The following GPR89B variants were observed in gnomAD, a reference collection of about 807,000 sequenced individuals.
The protein encoded by GPR89B is G protein-coupled receptor 89B.
In GPR89B, 25 loss-of-function variants were observed where a neutral mutation model predicts 52.4. The observed-to-expected ratio is 0.48, with a 90% CI of 0.35 to 0.67. GPR89B has a LOEUF of 0.67. Ranked by LOEUF, GPR89B falls within the 30% of genes least tolerant of loss-of-function variation. The pLI, the probability that GPR89B is intolerant of heterozygous loss-of-function variation, is 0.01. For synonymous variants in GPR89B, 52 were observed against 151.2 expected (o/e 0.34, Z 4.81); for missense variants, 146 against 450.2 (o/e 0.32, Z 6.11).
At chr1:147,981,419 G>A (rs1194774935) in intron 10 of GPR89B, among the ~76,000 whole-genome samples, 4 of 146,896 alleles carry the variant, frequency 2.7e-5, no homozygotes, top group East Asian at 2.0e-4. Context: ...GGGGAGGATC[G>A]CTTGAGCCTG....
the GPR89B span, among the ~76,000 whole-genome samples, chr1:148,002,622 G>A: frequency 6.6e-6 from 1 of 152,102 alleles, no homozygotes; most frequent in East Asian, 1.9e-4. Context: ...AAGCCCCCAA[G>A]ACATTATAGG....
intron 7 of GPR89B, among the ~76,000 whole-genome samples, chr1:147,964,555 C>T (rs1656893622): frequency 6.6e-6 from 1 of 151,716 alleles, no homozygotes; most frequent in Admixed American, 6.6e-5. Context: ...TTTTTCATTC[C>T]TATTCACGCT....
At chr1:147,982,265 T>G (rs1162429100) in intron 10 of GPR89B, among the ~76,000 whole-genome samples, 1 of 151,716 alleles carries the variant, frequency 6.6e-6, no homozygotes, top group Admixed American at 6.6e-5. Flanking sequence ...TTTCACCATA[T>G]TGGCCAGGCT....
At position 147,972,686 on chromosome 1, in the gene GPR89B, A is replaced by G. The variant is rs1657557829; in HGVS notation, c.909+2727A>G. 3.3e-5 allele frequency among the ~76,000 whole-genome samples: 5 copies of G among 151,378 alleles called. No individual in the cohort carries two copies. In the South Asian group the frequency reaches 1.0e-3, roughly 31 times the overall value. On this transcript the variant is annotated intron_variant, in intron 10 of 13. Coordinates refer to ENST00000314163, the MANE Select transcript of GPR89B (RefSeq NM_016334.5). Reference sequence around the variant, plus strand: ...TTTTAAATTTTAAGTTCTGAGGTACATGTGCAGGATGTGCAAGTTTGTTAC... The same window carrying G: ...TTTTAAATTTTAAGTTCTGAGGTACGTGTGCAGGATGTGCAAGTTTGTTAC...
At chr1:147,958,152 CAGTA>C (rs1280832010) in intron 7 of GPR89B, among the ~76,000 whole-genome samples, 5 of 151,606 alleles carry the variant, frequency 3.3e-5, no homozygotes, top group African/African-American at 9.7e-5. Flanking sequence ...TAAAGACAGT[CAGTA>C]AAGACTAGGC....
intron 10 of GPR89B, among the ~76,000 whole-genome samples, chr1:147,983,768 G>C (rs1377843554): frequency 6.6e-6 from 1 of 151,870 alleles, no homozygotes; most frequent in Non-Finnish European, 1.5e-5. Flanking sequence ...AGTCAGTGTG[G>C]CGATTCTTCA....
the GPR89B span, among the ~76,000 whole-genome samples, chr1:148,018,943 G>A: frequency 3.3e-5 from 5 of 151,372 alleles, no homozygotes; most frequent in African/African-American, 9.7e-5. Flanking sequence ...TGGGATTACA[G>A]GCATGAGCCA....
the GPR89B span, among the ~76,000 whole-genome samples, chr1:148,013,555 T>A: frequency 6.6e-6 from 1 of 151,870 alleles, no homozygotes; most frequent in Non-Finnish European, 1.5e-5. Flanking sequence ...CTTTCATGGG[T>A]AAGAGTGGGC....
At chr1:147,994,039 T>A (rs1659252247), downstream of GPR89B, 15 of 1,027,060 alleles carry the variant, frequency 1.5e-5, no homozygotes, top group Non-Finnish European at 1.3e-6. Context: ...TGTAGTTAAG[T>A]TGAAGCTTGG....
chr1:148,011,097 C>T, the GPR89B span: 21 of 152,242 alleles, frequency 1.4e-4, no homozygotes, highest in South Asian at 1.7e-3. Context: ...CCCACCTACG[C>T]GGGAGACCTG....
intron 11 of GPR89B, among the ~76,000 whole-genome samples, chr1:147,987,227 G>A (rs1398328614): frequency 6.6e-6 from 1 of 152,166 alleles, no homozygotes; most frequent in Non-Finnish European, 1.5e-5. Context: ...ATTATATTAA[G>A]TATGCTTTAC....
Position 147,945,067 on chromosome 1 carries a change from A to G in GPR89B, c.415+969A>G, listed in dbSNP as rs370614970. On this transcript the variant is annotated intron_variant, in intron 5 of 13. Coordinates refer to ENST00000314163, the MANE Select transcript of GPR89B (RefSeq NM_016334.5). ...AGTAGGGATGCAAAGCTTAACTGCT[A>G]TATAGTGAAGAGAAATACCCAACTA... Among the ~76,000 whole-genome samples, 1,008 of 136,212 alleles carry G rather than the reference A, an allele frequency of 7.4e-3. 18 individuals are homozygous for G. Among genetic ancestry groups the G allele is most frequent in the East Asian group, 0.046 (219 of 4,718 alleles). 89.4% of individuals were successfully genotyped at this position (136,212 alleles called of 152,430 possible).
chr1:147,991,081 C>T (rs1659032055), intron 12 of GPR89B, among the ~76,000 whole-genome samples: 1 of 150,554 alleles, frequency 6.6e-6, no homozygotes, highest in Non-Finnish European at 1.5e-5. Context: ...TATCCATGAA[C>T]ATGGAATGTT....
the GPR89B span, chr1:148,011,118 C>A: frequency 6.6e-6 from 1 of 152,160 alleles, no homozygotes; most frequent in Non-Finnish European, 1.5e-5. Flanking sequence ...GGTTCAACTC[C>A]CGGCCAAAGC....
In GPR89B at chr1:147,968,888, TCAA is replaced by T; in HGVS notation, c.744_746del (p.Gln249del). The T allele has an allele frequency of 6.2e-7, 1 of 1,612,224 alleles. No individual in the cohort carries two copies. Among genetic ancestry groups the T allele is most frequent in the African/African-American group, 1.3e-5 (1 of 74,556 alleles). The stretch of plus-strand genomic sequence containing the variant: ...ATTCTGTGCCAGATCTTACTCTTAT[TCAA>T]CAGGAAGTGGATGCTTTGGAAGAAT... On this transcript the variant is annotated inframe_deletion, in exon 9 of 14. Transcript: ENST00000314163.
At position 147,937,239 on chromosome 1, in the gene GPR89B, C is replaced by T. The variant is rs587736099; in HGVS notation, c.102+553C>T. Among the ~76,000 whole-genome samples, 1,188 of 151,398 alleles carry T rather than the reference C, an allele frequency of 7.8e-3. 14 individuals carry two copies. Among genetic ancestry groups the T allele is most frequent in the African/African-American group, 0.026 (1,081 of 40,866 alleles). ...TGGTGACTCCGAGCCACAAAACCAG[C>T]AAGTTTTTATTAGGGATTTCAAAAG... On this transcript the variant is annotated intron_variant, in intron 2 of 13. Coordinates refer to ENST00000314163, the MANE Select transcript of GPR89B (RefSeq NM_016334.5).
At chr1:147,939,733 C>A (rs1654383820) in intron 3 of GPR89B, among the ~76,000 whole-genome samples, 1 of 152,322 alleles carries the variant, frequency 6.6e-6, no homozygotes, top group East Asian at 1.9e-4. Flanking sequence ...CATAGTGGCT[C>A]ACGCCTATAA....
At chr1:147,932,233 G>A (rs1222325131) in intron 1 of GPR89B, among the ~76,000 whole-genome samples, 2 of 152,036 alleles carry the variant, frequency 1.3e-5, no homozygotes, top group Admixed American at 6.5e-5. Context: ...ATTTATAATA[G>A]CCAAAGGATA....
At chr1:147,976,750 G>A (rs1657854534) in intron 10 of GPR89B, among the ~76,000 whole-genome samples, 1 of 151,922 alleles carries the variant, frequency 6.6e-6, no homozygotes, top group Non-Finnish European at 1.5e-5. Context: ...ATTGCTTTGT[G>A]TACTTCAGTG....
Sources: allele counts gnomAD v4.1 joint callset (sites outside exome capture counted in the v4.1 genomes callset), GRCh38; gene constraint gnomAD v4.1.1; transcripts MANE v1.5; gene names NCBI Gene and HGNC (gene_info 2026-07-23, HGNC 2026-07-21).